The following RNF19A variants were observed in gnomAD, a reference collection of about 807,000 sequenced individuals.
RNF19A encodes E3 ubiquitin-protein ligase RNF19A.
Under a neutral mutation model 75.7 loss-of-function variants are expected in RNF19A, and 32 were observed. The observed-to-expected ratio is 0.42, with a 90% CI of 0.32 to 0.57. The LOEUF is 0.57. Among genes scored for constraint, RNF19A ranks in the 20% least tolerant of loss-of-function variants. The pLI is 0.10. For missense variants in RNF19A, 782 were observed against 1,036.3 expected (o/e 0.75, Z 3.37); for synonymous variants, 335 against 345.2 (o/e 0.97, Z 0.33).
chr8:100,285,104 C>T (rs1820954696), intron 2 of RNF19A, among the ~76,000 whole-genome samples: 1 of 152,072 alleles, frequency 6.6e-6, no homozygotes, highest in Admixed American at 6.5e-5. Flanking sequence ...TGGAACATCC[C>T]TGTACAAATC....
chr8:100,318,077 G>A (rs769972275), intron 1 of RNF19A, among the ~76,000 whole-genome samples: 3 of 151,748 alleles, frequency 2.0e-5, no homozygotes, highest in South Asian at 2.1e-4. Context: ...ATAATACTTC[G>A]GGCCTACATT....
chr8:100,294,562 A>G (rs1301386022), intron 1 of RNF19A, among the ~76,000 whole-genome samples: 1 of 151,354 alleles, frequency 6.6e-6, no homozygotes, highest in African/African-American at 2.4e-5. Context: ...GATTTATCCT[A>G]TTTCTGGCCA....
rs1037329700 is a variant in RNF19A, at chr8:100,269,683, T to C, written c.1028+186A>G. Among the ~76,000 whole-genome samples, 1 of 152,162 alleles carries C rather than the reference T, an allele frequency of 6.6e-6. No homozygotes were observed. Among genetic ancestry groups the C allele is most frequent in the Non-Finnish European group, 1.5e-5 (1 of 68,004 alleles). ...CAAAAACAAAAAAAGGAAATATCCA[T>C]TTCCTATTTTGACTAGTTATTAATT... On this transcript the variant is annotated intron_variant, in intron 4 of 9. Transcript: ENST00000341084. This position sits in a 1 kb window ranked among gnomAD's most constrained non-coding sequence, Gnocchi z 5.7.
intron 1 of RNF19A, among the ~76,000 whole-genome samples, chr8:100,292,925 C>G (rs1230859874): frequency 2.6e-5 from 4 of 152,132 alleles, no homozygotes; most frequent in Non-Finnish European, 5.9e-5. Flanking sequence ...CAGCGGTGCC[C>G]AAACTTTTTG....
At position 100,317,142 on chromosome 8, in the gene RNF19A, G is replaced by GCCCGGGTTCCCGCACGCAGCCCAT. The variant is rs1238253383; in HGVS notation, c.-242-3771_-242-3770insATGGGCTGCGTGCGGGAACCCGGG. ...GCCCGCAAGCGCCGCACGCAGCCCA[G>GCCCGGGTTCCCGCACGCAGCCCAT]CCCGGGTTCCCGCTCGCGCCTCTCC... On this transcript the variant is annotated intron_variant, in intron 1 of 3. Transcript: ENST00000519527. The surrounding 1 kb of genome is among the most constrained non-coding windows in gnomAD (Gnocchi z 4.3). Among the ~76,000 whole-genome samples the GCCCGGGTTCCCGCACGCAGCCCAT allele has an allele frequency of 3.6e-4, 55 of 152,356 alleles. No individual in the cohort carries two copies. The highest frequency in any genetic ancestry group is 1.2e-3 in the African/African-American group (51 of 41,580).
chr8:100,266,496 T>A (rs1660323), intron 5 of RNF19A, among the ~76,000 whole-genome samples: 49,369 of 152,052 alleles, frequency 0.32, 8,696 homozygotes, highest in East Asian at 0.41. Context: ...AGCTAATATA[T>A]TTTGAAATTT....
intron 3 of RNF19A, among the ~76,000 whole-genome samples, chr8:100,270,350 G>C (rs565977505): frequency 1.3e-5 from 2 of 152,160 alleles, no homozygotes; most frequent in East Asian, 3.9e-4. Context: ...TCCCATAGAA[G>C]TCTTCTGAAT....
chr8:100,292,187 T>C (rs561034055), intron 1 of RNF19A, among the ~76,000 whole-genome samples: 2 of 152,306 alleles, frequency 1.3e-5, no homozygotes, highest in East Asian at 3.9e-4. Flanking sequence ...CACATGCTTA[T>C]GTTGAGAAGA....
At chr8:100,271,236 A>G (rs1158154004) in intron 3 of RNF19A, among the ~76,000 whole-genome samples, 7 of 152,008 alleles carry the variant, frequency 4.6e-5, no homozygotes, top group Admixed American at 4.6e-4. Context: ...TTTTGAGCAA[A>G]CTGATACTCT....
chr8:100,305,705 ATGCTAAG>A (rs1435122686), intron 1 of RNF19A, among the ~76,000 whole-genome samples: 3 of 152,232 alleles, frequency 2.0e-5, no homozygotes, highest in Non-Finnish European at 4.4e-5. Context: ...TGTCAGGCTT[ATGCTAAG>A]TGCTAAGACT....
intron 1 of RNF19A, among the ~76,000 whole-genome samples, chr8:100,291,548 A>G (rs775937773): frequency 1.4e-4 from 22 of 152,174 alleles, no homozygotes; most frequent in Non-Finnish European, 3.1e-4. Context: ...TAAACATCTA[A>G]CCATAAACAC....
chr8:100,292,015 T>A (rs1378316190), intron 1 of RNF19A, among the ~76,000 whole-genome samples: 2 of 137,608 alleles, frequency 1.5e-5, no homozygotes, highest in Non-Finnish European at 3.1e-5. Context: ...TAGGTACAGA[T>A]AATTCCCAGC....
chr8:100,323,490 A>G lies in RNF19A; in HGVS notation c.-242-10118T>C, dbSNP rs1013040818. 6.6e-6 allele frequency among the ~76,000 whole-genome samples: 1 copy of G among 152,164 alleles called. No individual in the cohort carries two copies. The highest frequency in any genetic ancestry group is 1.5e-5 in the Non-Finnish European group (1 of 68,026). ...GTTTCACCCTTCTTTTCTGCCATCC[A>G]TTCTTAGAATTGTCACATTAACTGC... On this transcript the variant is annotated intron_variant, in intron 1 of 3. Transcript: ENST00000519527. The surrounding 1 kb of genome is among the most constrained non-coding windows in gnomAD (Gnocchi z 4.6).
chr8:100,313,525 C>T (rs372307177), upstream of RNF19A, among the ~76,000 whole-genome samples: 6 of 37,426 alleles, frequency 1.6e-4, no homozygotes, highest in East Asian at 9.4e-4. Flanking sequence ...GGCCAGGGGA[C>T]GGGGGGTGGT....
rs1820471422 is a variant in RNF19A, at chr8:100,275,625, T to C, written c.675-464A>G. ...AATTTTATAAAAAACCATATTAAAT[T>C]AGTACAGTATTGTATGCACACAAAA... is the stretch of plus-strand genomic sequence containing the variant. On this transcript the variant is annotated intron_variant, in intron 2 of 9. Transcript: ENST00000341084. This position sits in a 1 kb window ranked among gnomAD's most constrained non-coding sequence, Gnocchi z 4.3. 6.6e-6 allele frequency among the ~76,000 whole-genome samples: 1 copy of C among 152,118 alleles called. No homozygotes were observed. Among genetic ancestry groups the C allele is most frequent in the African/African-American group, 2.4e-5 (1 of 41,424 alleles).
chr8:100,269,824 T>C lies in RNF19A; in HGVS notation c.1028+45A>G, dbSNP rs767369567. The C allele has an allele frequency of 2.1e-6, 3 of 1,433,558 alleles. No individual in the cohort carries two copies. The East Asian group carries it at 7.7e-5, about 37-fold the overall frequency. The allele number at this position is 1,433,558 out of a possible 1,614,324, so 88.8% of individuals were successfully genotyped here. ...TAAGACAAGTTATTTTGTCTTACAA[T>C]ATAAAATTACATTTACATATAAATA... On this transcript the variant is annotated intron_variant, in intron 4 of 9. Coordinates refer to ENST00000341084, the MANE Select transcript of RNF19A (RefSeq NM_183419.4). This position sits in a 1 kb window ranked among gnomAD's most constrained non-coding sequence, Gnocchi z 5.7.
intron 1 of RNF19A, among the ~76,000 whole-genome samples, chr8:100,326,194 C>T (rs987700507): frequency 5.3e-5 from 8 of 152,126 alleles, no homozygotes; most frequent in African/African-American, 1.9e-4. Context: ...TTCTATTCCA[C>T]TCTGCTGGTC....
rs1162366573 is a variant in RNF19A at position 100,329,426 on chromosome 8, G to A, written c.-243+6682C>T. ...AATGAGTGAGTTGTGATACAGTGCT[G>A]CAAAAACAAAACAAAACAAAACAAA... is the stretch of plus-strand genomic sequence containing the variant. On this transcript the variant is annotated intron_variant, in intron 1 of 3. Transcript: ENST00000519527. The surrounding 1 kb of genome is among the most constrained non-coding windows in gnomAD (Gnocchi z 4.3). Among the ~76,000 whole-genome samples, 1 of 151,994 alleles carries A rather than the reference G, an allele frequency of 6.6e-6. No homozygotes were observed. Among genetic ancestry groups the A allele is most frequent in the Non-Finnish European group, 1.5e-5 (1 of 68,002 alleles).
At position 100,323,265 on chromosome 8, in the gene RNF19A, GAAGA is replaced by G. The variant is rs375036606; in HGVS notation, c.-242-9897_-242-9894del. On this transcript the variant is annotated intron_variant, in intron 1 of 3. Coordinates refer to the RNF19A transcript ENST00000519527. The surrounding 1 kb of genome is among the most constrained non-coding windows in gnomAD (Gnocchi z 4.6). ...TAGTATTTCATAGAAAGTTTTTAAG[GAAGA>G]AAGAAAACTTTATTCTTCTCTGTAA... 1.6e-4 allele frequency among the ~76,000 whole-genome samples: 25 copies of G among 152,286 alleles called. No homozygotes were observed. The East Asian group carries it at 4.4e-3, about 27-fold the overall frequency.
Sources: allele counts gnomAD v4.1 joint callset (sites outside exome capture counted in the v4.1 genomes callset), GRCh38; gene constraint gnomAD v4.1.1; non-coding constraint Gnocchi (gnomAD v3.1); transcripts MANE v1.5; gene names NCBI Gene and HGNC (gene_info 2026-07-23, HGNC 2026-07-21).